PDE1A: variants seen among roughly 807,000 people sequenced by gnomAD.
The protein encoded by PDE1A is phosphodiesterase 1A.
PDE1A carries 35 observed loss-of-function variants against 61.7 expected under a neutral mutation model. That is an observed-to-expected ratio of 0.57 (90% confidence interval 0.43 to 0.75). The LOEUF (loss-of-function observed/expected upper bound fraction) is 0.75. Among genes scored for constraint, PDE1A ranks in the 30% least tolerant of loss-of-function variants. PDE1A has a pLI of 0.00. For synonymous variants in PDE1A, 232 were observed against 213.2 expected (o/e 1.09, Z -0.77); for missense variants, 597 against 630.6 (o/e 0.95, Z 0.57).
At chr2:182,589,850 T>G in the PDE1A span, among the ~76,000 whole-genome samples, 1 of 152,208 alleles carries the variant, frequency 6.6e-6, no homozygotes, top group African/African-American at 2.4e-5. Context: ...GTGGTTAACA[T>G]ACCCACCTAG....
intron 2 of PDE1A, among the ~76,000 whole-genome samples, chr2:182,494,697 T>C (rs934133702): frequency 6.6e-6 from 1 of 152,068 alleles, no homozygotes; most frequent in African/African-American, 2.4e-5. Context: ...ATTTTTTTTT[T>C]CAAAGCGAAG....
chr2:182,207,459 C>T (rs1448047102), intron 7 of PDE1A, among the ~76,000 whole-genome samples: 1 of 152,218 alleles, frequency 6.6e-6, no homozygotes, highest in Non-Finnish European at 1.5e-5. Flanking sequence ...AATGTCTAAG[C>T]AGCAAAGTGT....
chr2:182,564,675 C>T, the PDE1A span, among the ~76,000 whole-genome samples: 2 of 152,202 alleles, frequency 1.3e-5, no homozygotes, highest in East Asian at 3.8e-4. Context: ...TTCTCCCCGT[C>T]ACTTTCAGGT....
intron 2 of PDE1A, among the ~76,000 whole-genome samples, chr2:182,491,190 A>AGGGTAACAGCAGTCAGTATAATAGT (rs1688368889): frequency 2.0e-5 from 3 of 152,244 alleles, no homozygotes. Flanking sequence ...TCATACGTTT[A>AGGGTAACAGCAGTCAGTATAATAGT]GGGTAACAGC....
chr2:182,626,136 G>C, the PDE1A span, among the ~76,000 whole-genome samples: 1 of 152,162 alleles, frequency 6.6e-6, no homozygotes, highest in Admixed American at 6.5e-5. Flanking sequence ...CTGAAAATGA[G>C]ACTGTAGCTT....
At chr2:182,605,999 C>G in the PDE1A span, among the ~76,000 whole-genome samples, 1 of 152,042 alleles carries the variant, frequency 6.6e-6, no homozygotes, top group African/African-American at 2.4e-5. Context: ...TCTCCTGTGA[C>G]TTTGTCAATA....
the PDE1A span, among the ~76,000 whole-genome samples, chr2:182,671,008 G>C: frequency 6.6e-6 from 1 of 151,858 alleles, no homozygotes; most frequent in Non-Finnish European, 1.5e-5. Flanking sequence ...AGTAGAGATG[G>C]GGTTTCACGA....
the PDE1A span, among the ~76,000 whole-genome samples, chr2:182,612,518 T>C: frequency 6.6e-6 from 1 of 152,170 alleles, no homozygotes; most frequent in African/African-American, 2.4e-5. Context: ...AATTAAATGA[T>C]ATTGAAGTAT....
chr2:182,565,333 G>T, the PDE1A span, among the ~76,000 whole-genome samples: 3 of 152,148 alleles, frequency 2.0e-5, no homozygotes. Flanking sequence ...GACCCTGTTT[G>T]CCTGGGTACC....
At chr2:182,538,943 G>C in the PDE1A span, among the ~76,000 whole-genome samples, 4 of 152,254 alleles carry the variant, frequency 2.6e-5, no homozygotes, top group South Asian at 4.1e-4. Context: ...CTAAGATTAT[G>C]TCAAAATCAA....
At chr2:182,525,674 T>C (rs74680771), upstream of PDE1A, among the ~76,000 whole-genome samples, 47,810 of 152,112 alleles carry the variant, frequency 0.31, 9,394 homozygotes, top group East Asian at 0.59. Flanking sequence ...TGCAGAACCA[T>C]GAGCCAATTA....
intron 1 of PDE1A, among the ~76,000 whole-genome samples, chr2:182,417,878 G>C (rs1703017741): frequency 6.6e-6 from 1 of 152,068 alleles, no homozygotes; most frequent in Non-Finnish European, 1.5e-5. Context: ...TAAACTGCAA[G>C]TCTAATGTCA....
chr2:182,587,168 G>C, the PDE1A span, among the ~76,000 whole-genome samples: 918 of 152,292 alleles, frequency 6.0e-3, 6 homozygotes, highest in Non-Finnish European at 9.0e-3. Flanking sequence ...AGAACAGTAA[G>C]CAGGAACCAG....
In PDE1A at chr2:182,307,489, C is replaced by A. The variant is rs549287326; in HGVS notation, c.54-43075G>T. ...CCGATCCCAGCCTCTTGATTTTTGT[C>A]TTTTGAGCCTCCAAAGCTGTGAGTC... On this transcript the variant is annotated intron_variant, in intron 1 of 13. Coordinates refer to ENST00000351439, the Ensembl canonical transcript of PDE1A. Among the ~76,000 whole-genome samples the A allele has an allele frequency of 2.6e-5, 4 of 152,248 alleles. No homozygotes were observed. The South Asian group carries it at 8.3e-4, about 32-fold the overall frequency.
downstream of PDE1A, among the ~76,000 whole-genome samples, chr2:182,166,874 A>G (rs889622744): frequency 2.0e-5 from 3 of 152,186 alleles, no homozygotes; most frequent in African/African-American, 7.2e-5. Flanking sequence ...GAGTGCTTCT[A>G]CTAGTCTAGC....
intron 2 of PDE1A, among the ~76,000 whole-genome samples, chr2:182,460,455 C>T (rs1481584583): frequency 6.6e-6 from 1 of 152,108 alleles, no homozygotes. Flanking sequence ...CCCAGGCTTG[C>T]CTCTAACTCC....
At position 182,402,515 on chromosome 2, in the gene PDE1A, G is replaced by A. The variant is rs186210990; in HGVS notation, c.53+24063C>T. Among the ~76,000 whole-genome samples the A allele has an allele frequency of 1.8e-4, 27 of 152,122 alleles. No homozygotes were observed. The East Asian group carries it at 5.2e-3, about 29-fold the overall frequency. ...GGACCCCTTCCTTATACCTTATACAGAAATCAACTCAAGATTAAGATTAAA... is the reference window on the plus strand; with the variant it reads ...GGACCCCTTCCTTATACCTTATACAAAAATCAACTCAAGATTAAGATTAAA... On this transcript the variant is annotated intron_variant, in intron 1 of 13. Transcript: ENST00000351439.
At chr2:182,206,312 T>A (rs1272377301) in intron 7 of PDE1A, among the ~76,000 whole-genome samples, 1 of 152,228 alleles carries the variant, frequency 6.6e-6, no homozygotes, top group Non-Finnish European at 1.5e-5. Context: ...CCATGTACTT[T>A]CTTCTACCAC....
chr2:182,471,690 T>C (rs913072322), intron 2 of PDE1A, among the ~76,000 whole-genome samples: 3 of 151,832 alleles, frequency 2.0e-5, no homozygotes, highest in African/African-American at 7.2e-5. Context: ...GGAATAGTGT[T>C]CCAACTCTTC....
Sources: gnomAD v4.1 joint callset for allele counts (sites outside exome capture counted in the v4.1 genomes callset) on GRCh38, gnomAD v4.1.1 for gene constraint, MANE v1.5 for transcripts, NCBI Gene and HGNC (gene_info 2026-07-23, HGNC 2026-07-21) for gene names.